The following MAGI2 variants were observed in gnomAD, a reference collection of about 807,000 sequenced individuals.
MAGI2 encodes the protein membrane associated guanylate kinase, WW and PDZ domain containing 2.
MAGI2 carries 35 observed loss-of-function variants against 133.3 expected under a neutral mutation model. That is an observed-to-expected ratio of 0.26 (90% CI 0.20 to 0.35). MAGI2 has a LOEUF of 0.35. MAGI2 is among the 10% of genes least tolerant of loss of function. MAGI2 has a pLI of 1.00. For missense variants in MAGI2, 1,636 were observed against 1,863.4 expected, an observed-to-expected ratio of 0.88 and a Z score of 2.25; for synonymous variants, 729 against 710.6, an observed-to-expected ratio of 1.03 and a Z score of -0.41.
chr7:79,365,614 T>G (rs1419111181), intron 1 of MAGI2, among the ~76,000 whole-genome samples: 1 of 151,744 alleles, frequency 6.6e-6, no homozygotes, highest in Non-Finnish European at 1.5e-5. Flanking sequence ...TCCTAGCACT[T>G]TGGGGGGCCG....
rs112951587 is a variant in MAGI2 at position 78,410,624 on chromosome 7, A to G, written c.1046-41411T>C. Among the ~76,000 whole-genome samples the G allele has an allele frequency of 6.5e-3, 988 of 152,192 alleles. 10 individuals are homozygous for G. Among genetic ancestry groups the G allele is most frequent in the African/African-American group, 0.023 (946 of 41,552 alleles). Reference sequence around the variant, plus strand: ...CTCAGTACATAGTTGATGAAGAAATAAATCCATAATAATTAAATGATGGAT... The same window carrying G: ...CTCAGTACATAGTTGATGAAGAAATGAATCCATAATAATTAAATGATGGAT... On this transcript the variant is annotated intron_variant, in intron 6 of 21. Transcript: ENST00000354212.
At chr7:78,886,469 A>G (rs2151556985) in intron 2 of MAGI2, among the ~76,000 whole-genome samples, 1 of 152,344 alleles carries the variant, frequency 6.6e-6, no homozygotes, top group Non-Finnish European at 1.5e-5. Context: ...TGACCAAGTC[A>G]TGACTTACTT....
chr7:79,154,510 C>T (rs748402318), intron 1 of MAGI2, among the ~76,000 whole-genome samples: 1 of 152,150 alleles, frequency 6.6e-6, no homozygotes, highest in Non-Finnish European at 1.5e-5. Flanking sequence ...AATGCCAAGC[C>T]AATCCATATT....
In MAGI2 at chr7:79,156,928, A is replaced by C. The variant is rs145468493; in HGVS notation, c.302-149722T>G. Among the ~76,000 whole-genome samples, 659 of 152,242 alleles carry C rather than the reference A, an allele frequency of 4.3e-3. 7 individuals carry two copies. The highest frequency in any genetic ancestry group is 0.015 in the African/African-American group (630 of 41,558). ...TAAGGTACCAGCAGGGGCCCATTGA[A>C]GCCTACCCAACTTAATGCTTCTCTT... On this transcript the variant is annotated intron_variant, in intron 1 of 21. Transcript: ENST00000354212.
intron 18 of MAGI2, among the ~76,000 whole-genome samples, chr7:78,131,652 G>T (rs1821574633): frequency 6.6e-6 from 1 of 152,178 alleles, no homozygotes; most frequent in Admixed American, 6.5e-5. Context: ...ATGGGAACAT[G>T]TCTTCATCTT....
chr7:79,153,555 G>A (rs1351072782), intron 1 of MAGI2, among the ~76,000 whole-genome samples: 3 of 152,180 alleles, frequency 2.0e-5, no homozygotes, highest in Admixed American at 2.0e-4. Flanking sequence ...AAGCATAAGA[G>A]TAACTACGTG....
In MAGI2 at chr7:79,093,498, C is replaced by G. The variant is rs116705102; in HGVS notation, c.302-86292G>C. ...TTGTAGTTTATTAAGTGTGCAATAGCATCATGTCTTTAAAATGTACTTACT... is the reference window on the plus strand; with the variant it reads ...TTGTAGTTTATTAAGTGTGCAATAGGATCATGTCTTTAAAATGTACTTACT... On this transcript the variant is annotated intron_variant, in intron 1 of 21. Coordinates refer to ENST00000354212, the MANE Select transcript of MAGI2 (RefSeq NM_012301.4). Among the ~76,000 whole-genome samples the G allele has an allele frequency of 2.3e-3, 357 of 152,110 alleles. 2 individuals are homozygous for G. Among genetic ancestry groups the G allele is most frequent in the African/African-American group, 8.4e-3 (348 of 41,484 alleles).
At chr7:79,084,403 C>G (rs1236969794) in intron 1 of MAGI2, among the ~76,000 whole-genome samples, 1 of 151,620 alleles carries the variant, frequency 6.6e-6, no homozygotes, top group African/African-American at 2.4e-5. Flanking sequence ...TCTTTTTTGA[C>G]TCACTAATTG....
intron 1 of MAGI2, among the ~76,000 whole-genome samples, chr7:79,176,431 T>C (rs184453885): frequency 2.6e-4 from 40 of 152,154 alleles, no homozygotes; most frequent in African/African-American, 9.2e-4. Flanking sequence ...TCTTCTCTTC[T>C]TTTTCACAAT....
intron 2 of MAGI2, among the ~76,000 whole-genome samples, chr7:78,900,631 T>A (rs1797551934): frequency 6.6e-6 from 1 of 152,188 alleles, no homozygotes; most frequent in Non-Finnish European, 1.5e-5. Flanking sequence ...TAACCCCTAC[T>A]GTTGTCACCC....
intron 2 of MAGI2, among the ~76,000 whole-genome samples, chr7:78,974,820 A>G (rs1804099304): frequency 6.6e-6 from 1 of 151,812 alleles, no homozygotes; most frequent in Non-Finnish European, 1.5e-5. Context: ...AAGTAAGAAC[A>G]TCATCCACCT....
At chr7:79,367,140 C>T (rs1416435495) in intron 1 of MAGI2, among the ~76,000 whole-genome samples, 1 of 152,174 alleles carries the variant, frequency 6.6e-6, no homozygotes, top group Non-Finnish European at 1.5e-5. Context: ...CAGACCAAAT[C>T]CCTCTTCCTT....
intron 2 of MAGI2, among the ~76,000 whole-genome samples, chr7:78,975,062 A>G (rs978829699): frequency 6.6e-6 from 1 of 151,792 alleles, no homozygotes; most frequent in African/African-American, 2.4e-5. Context: ...AAGGAGAAAC[A>G]GGGAGTCCAC....
chr7:78,974,161 G>C (rs531000987), intron 2 of MAGI2, among the ~76,000 whole-genome samples: 1 of 151,190 alleles, frequency 6.6e-6, no homozygotes, highest in African/African-American at 2.4e-5. Context: ...TCAATAAAAG[G>C]ACAAGTGAGA....
intron 1 of MAGI2, among the ~76,000 whole-genome samples, chr7:79,159,397 G>A (rs1366767643): frequency 1.3e-5 from 2 of 151,482 alleles, no homozygotes; most frequent in African/African-American, 2.4e-5. Flanking sequence ...TATGCCTGTA[G>A]TCTCAGCTAC....
At chr7:78,228,312 C>T (rs1455517503) in intron 10 of MAGI2, among the ~76,000 whole-genome samples, 1 of 152,176 alleles carries the variant, frequency 6.6e-6, no homozygotes, top group Admixed American at 6.5e-5. Flanking sequence ...GCATCAGAAT[C>T]ACTTAGGGTT....
At chr7:78,974,889 T>C (rs1341917810) in intron 2 of MAGI2, among the ~76,000 whole-genome samples, 1 of 151,824 alleles carries the variant, frequency 6.6e-6, no homozygotes, top group East Asian at 1.9e-4. Context: ...CTACCTATAT[T>C]ACTTTTAAAC....
At chr7:78,183,030 A>G (rs1827331094) in intron 13 of MAGI2, among the ~76,000 whole-genome samples, 1 of 152,200 alleles carries the variant, frequency 6.6e-6, no homozygotes, top group Non-Finnish European at 1.5e-5. Context: ...AATGAACCAC[A>G]GCATTATTCC....
chr7:78,201,067 G>C lies in MAGI2; in HGVS notation c.2079+95C>G, dbSNP rs555776180. 12 of 785,438 alleles carry C rather than the reference G, an allele frequency of 1.5e-5. No homozygotes were observed. In the East Asian group the frequency reaches 3.5e-4, roughly 23 times the overall value. 48.7% of individuals were successfully genotyped at this position (785,438 alleles called of 1,614,324 possible). On this transcript the variant is annotated intron_variant, in intron 11 of 21. Transcript: ENST00000354212. ...TTTTACATCACAGACTCCTAGAGTT[G>C]AAAGAGATTTTGAGGTCACCCAATT...
Sources: allele counts gnomAD v4.1 joint callset (sites outside exome capture counted in the v4.1 genomes callset), GRCh38; gene constraint gnomAD v4.1.1; transcripts MANE v1.5; gene names NCBI Gene and HGNC (gene_info 2026-07-23, HGNC 2026-07-21).